Variants in EPB41L1 observed in about 807,000 individuals in gnomAD.
The protein encoded by EPB41L1 is erythrocyte membrane protein band 4.1 like 1, also known as band 4.1-like protein 1.
A neutral mutation model predicts 97.8 loss-of-function variants in EPB41L1; 29 were observed. That is an observed-to-expected ratio of 0.30 (90% confidence interval 0.22 to 0.40). The LOEUF (loss-of-function observed/expected upper bound fraction) is 0.40, where lower values mean the gene tolerates loss of function less well. EPB41L1 is among the 10% of genes least tolerant of loss of function. The probability of loss-of-function intolerance (pLI) is 1.00; values close to 1 mark genes in which losing one functional copy is unlikely to be tolerated. For missense variants in EPB41L1, 812 were observed against 1,162.3 expected (o/e 0.70, Z 4.38); for synonymous variants, 383 against 459.2 (o/e 0.83, Z 2.12).
intron 1 of EPB41L1, among the ~76,000 whole-genome samples, chr20:36,161,193 A>G (rs1420176247): frequency 6.6e-6 from 1 of 152,150 alleles, no homozygotes; most frequent in Non-Finnish European, 1.5e-5. Context: ...TCACCCACCC[A>G]GTATGGAGCT....
chr20:36,168,074 A>G (rs915551314), intron 1 of EPB41L1, among the ~76,000 whole-genome samples: 16 of 152,200 alleles, frequency 1.1e-4, no homozygotes, highest in African/African-American at 3.6e-4. Context: ...CATCTGGGCT[A>G]GGACACCCTC....
At chr20:36,169,861 C>T (rs993228133) in intron 1 of EPB41L1, among the ~76,000 whole-genome samples, 2 of 152,254 alleles carry the variant, frequency 1.3e-5, no homozygotes, top group Non-Finnish European at 2.9e-5. Context: ...TCATCTCCTG[C>T]ATGAGTGTTT....
intron 21 of EPB41L1, among the ~76,000 whole-genome samples, chr20:36,227,274 G>A (rs946466360): frequency 6.6e-6 from 1 of 152,046 alleles, no homozygotes; most frequent in African/African-American, 2.4e-5. Flanking sequence ...CTATGATCGC[G>A]CCACTGCACT....
At chr20:36,164,079 A>G (rs892264792) in intron 1 of EPB41L1, among the ~76,000 whole-genome samples, 2 of 152,144 alleles carry the variant, frequency 1.3e-5, no homozygotes, top group Non-Finnish European at 2.9e-5. Flanking sequence ...CCTGACCCCA[A>G]GTCATCCACC....
chr20:36,188,482 A>G lies in EPB41L1; in HGVS notation c.1009A>G (p.Lys337Glu), dbSNP rs1255788945. 6.2e-7 allele frequency: 1 copy of G among 1,613,250 alleles called. No individual in the cohort carries two copies. The highest frequency in any genetic ancestry group is 8.5e-7 in the Non-Finnish European group (1 of 1,179,790). Residue 337 changes from lysine to glutamate, a missense_variant, in exon 9 of 22, where the codon AAG (lysine) becomes GAG (glutamate). Around this residue, in one of 3 missense-constraint regions of EPB41L1, gnomAD observed 230 missense variants for 445.2 expected, o/e 0.52. Coordinates refer to ENST00000338074, the MANE Select transcript of EPB41L1 (RefSeq NM_012156.2). ...CTACAAGAGGAGTAACTTCTATATC[A>G]AGATCCGGCCTGGGGAGGTGAGTCT... ...ISYKRSNFYIKIRPGEYEQFE... is the reference protein window; with the variant it reads ...ISYKRSNFYIEIRPGEYEQFE...
At chr20:36,211,883 G>A (rs977965873) in intron 15 of EPB41L1, among the ~76,000 whole-genome samples, 2 of 152,180 alleles carry the variant, frequency 1.3e-5, no homozygotes, top group African/African-American at 4.8e-5. Context: ...TTCAGCTGAA[G>A]CGGCTGAGAG....
At chr20:36,218,844 A>G in intron 17 of EPB41L1, 32 bp from the exon 18 acceptor site, 1 of 1,610,026 alleles carries the variant, frequency 6.2e-7, no homozygotes. Context: ...CCCGGCTGAG[A>G]GCTGGCCATC....
chr20:36,205,819 T>C (rs1332716320), intron 14 of EPB41L1: 6 of 1,264,158 alleles, frequency 4.7e-6, no homozygotes, highest in African/African-American at 1.5e-5. Context: ...ATATTTCATG[T>C]TAACTCTTCT....
intron 14 of EPB41L1, among the ~76,000 whole-genome samples, chr20:36,199,077 G>A (rs752388386): frequency 3.3e-5 from 5 of 152,202 alleles, no homozygotes; most frequent in Non-Finnish European, 7.3e-5. Context: ...AAGAAAGCAT[G>A]TTTCAATCCA....
At chr20:36,198,295 C>T (rs1437690856) in intron 14 of EPB41L1, among the ~76,000 whole-genome samples, 1 of 152,210 alleles carries the variant, frequency 6.6e-6, no homozygotes, top group Non-Finnish European at 1.5e-5. Context: ...CCCCTTCCAT[C>T]AGCCCGAGTA....
At chr20:36,170,452 A>G (rs918903591) in intron 1 of EPB41L1, among the ~76,000 whole-genome samples, 2 of 152,136 alleles carry the variant, frequency 1.3e-5, no homozygotes, top group African/African-American at 4.8e-5. Context: ...ACTATTGTGT[A>G]TCATGCTTTT....
intron 9 of EPB41L1, among the ~76,000 whole-genome samples, chr20:36,189,498 C>T (rs2061850552): frequency 6.6e-6 from 1 of 152,170 alleles, no homozygotes; most frequent in South Asian, 2.1e-4. Flanking sequence ...GAGCTCTTTC[C>T]TGCCTGAGTG....
intron 5 of EPB41L1, among the ~76,000 whole-genome samples, chr20:36,180,842 T>C (rs1477083611): frequency 1.3e-5 from 2 of 152,204 alleles, no homozygotes; most frequent in East Asian, 3.8e-4. Flanking sequence ...TTGTTATTCA[T>C]TGAAGCTGCT....
rs929231376 is a variant in EPB41L1, at chr20:36,170,791, G to A, written c.-14-2973G>A. Reference sequence around the variant, plus strand: ...GTCAGTCGTCTTTTTTGCTCACTGGGTCTCACCTGTAAAGGAAGAGGAGTA... The same window carrying A: ...GTCAGTCGTCTTTTTTGCTCACTGGATCTCACCTGTAAAGGAAGAGGAGTA... On this transcript the variant is annotated intron_variant, in intron 1 of 21. Transcript: ENST00000338074. Among the ~76,000 whole-genome samples, 5 of 152,124 alleles carry A rather than the reference G, an allele frequency of 3.3e-5. No homozygotes were observed. The South Asian group carries it at 1.0e-3, about 32-fold the overall frequency.
chr20:36,112,176 C>G (rs937839274), intron 1 of EPB41L1, among the ~76,000 whole-genome samples: 4 of 152,214 alleles, frequency 2.6e-5, no homozygotes, highest in Admixed American at 1.3e-4. Flanking sequence ...TCTCTTTGCT[C>G]TTACAATAAA....
At chr20:36,198,209 T>C (rs1311762411) in intron 14 of EPB41L1, among the ~76,000 whole-genome samples, 168 bp downstream of exon 14, 1 of 152,158 alleles carries the variant, frequency 6.6e-6, no homozygotes, top group Non-Finnish European at 1.5e-5. Context: ...ATGAATTCAC[T>C]AAATCTTGGA....
chr20:36,094,578 A>G (rs1291328473), intron 1 of EPB41L1, among the ~76,000 whole-genome samples: 2 of 152,132 alleles, frequency 1.3e-5, no homozygotes, highest in Non-Finnish European at 2.9e-5. Context: ...TTGCCAAGAT[A>G]CAGGACACAG....
chr20:36,206,532 G>A lies in EPB41L1; in HGVS notation c.1669-2956G>A, dbSNP rs2062821047. 4 of 1,289,712 alleles carry A rather than the reference G, an allele frequency of 3.1e-6. No homozygotes were observed. The Admixed American group carries it at 9.2e-5, about 30-fold the overall frequency. The allele number at this position is 1,289,712 out of a possible 1,614,324, so 79.9% of individuals were successfully genotyped here. A position where few individuals can be genotyped will look rare whatever the true frequency, so the allele number is the denominator to read the frequency against. ...AAGTCCTCCCTCCACCCCTGGAGGA[G>A]AGAAAAGGGCGCCTGGATGCCCCTC... On this transcript the variant is annotated intron_variant, in intron 14 of 21. Coordinates refer to ENST00000338074, the MANE Select transcript of EPB41L1 (RefSeq NM_012156.2). This position sits in a 1 kb window ranked among gnomAD's most constrained non-coding sequence, Gnocchi z 5.5.
intron 1 of EPB41L1, among the ~76,000 whole-genome samples, chr20:36,111,758 G>A (rs1219863535): frequency 2.0e-4 from 28 of 142,984 alleles, no homozygotes; most frequent in Admixed American, 1.8e-3. Flanking sequence ...TTGCACTCCA[G>A]CCTGGGCGAC....
Sources: allele counts gnomAD v4.1 joint callset (sites outside exome capture counted in the v4.1 genomes callset), GRCh38; gene constraint gnomAD v4.1.1; regional missense constraint gnomAD v4.1.1; non-coding constraint Gnocchi (gnomAD v3.1); transcripts MANE v1.5; gene names NCBI Gene and HGNC (gene_info 2026-07-23, HGNC 2026-07-21).